Variants in GPR153 observed in about 807,000 individuals in gnomAD.
The protein encoded by GPR153 is probable G protein-coupled receptor 153.
Under a neutral mutation model 34.1 loss-of-function variants are expected in GPR153, and 27 were observed. The observed-to-expected ratio is 0.79, with a 90% confidence interval of 0.58 to 1.09. GPR153 has a LOEUF of 1.09. Among genes scored for constraint, GPR153 ranks in the 50% least tolerant of loss-of-function variants. The pLI is 0.00. For missense variants in GPR153, 848 were observed against 860.2 expected, an observed-to-expected ratio of 0.99 and a Z score of 0.18; for synonymous variants, 408 against 405.4, an observed-to-expected ratio of 1.01 and a Z score of -0.08.
chr1:6,257,548 G>T (rs983693596), intron 1 of GPR153, among the ~76,000 whole-genome samples: 10 of 152,244 alleles, frequency 6.6e-5, no homozygotes, highest in African/African-American at 2.4e-4. Flanking sequence ...GTGGACAGGA[G>T]CCACATCTCT....
rs1375630703 is a variant in GPR153 at position 6,254,495 on chromosome 1, CTT to C, written c.356+53_356+54del. ...GTGCGCATGGGCACACCAGATATGT[CTT>C]TGTTTTCACGCCTGCTTAGAACCCC... is the stretch of plus-strand genomic sequence containing the variant. On this transcript the variant is annotated intron_variant, in intron 2 of 5. Transcript: ENST00000377893. The C allele has an allele frequency of 9.7e-6, 14 of 1,442,254 alleles. No homozygotes were observed. In the East Asian group the frequency reaches 3.0e-4, roughly 31 times the overall value. 89.3% of individuals were successfully genotyped at this position (1,442,254 alleles called of 1,614,324 possible). A position where few individuals can be genotyped will look rare whatever the true frequency, so the allele number is the denominator to read the frequency against.
chr1:6,254,642 G>T lies in GPR153; in HGVS notation c.264C>A (p.Ser88=). The T allele has an allele frequency of 6.2e-7, 1 of 1,613,592 alleles. No individual in the cohort carries two copies. Among genetic ancestry groups the T allele is most frequent in the African/African-American group, 1.3e-5 (1 of 75,024 alleles). The change falls in exon 2 of 6, where the codon TCC becomes TCA. Residue 88 remains serine, a synonymous_variant. Coordinates refer to ENST00000377893, the MANE Select transcript of GPR153 (RefSeq NM_207370.4). ...TGGCCAGGGTGAGGGTGTAGAAGGT[G>T]GACACGAAGACCTTGCAGAGACCCT... is the stretch of plus-strand genomic sequence containing the variant. The part of the protein sequence containing the change: ...WNEGLCKVFV[S]TFYTLTLATC...
Position 6,249,979 on chromosome 1 carries a change from G to A in GPR153, c.1189C>T (p.His397Tyr). ...LQVPPTRRFS[H>Y]DDADVWAAVP... ...GCGGCCCACACGTCCGCATCGTCGT[G>A]GGAGAAGCGCCGCGTGGGCGGGACC... The change falls in exon 6 of 6, where the codon CAC becomes TAC. Residue 397 changes from histidine to tyrosine, a missense_variant. His to Tyr is a moderately conservative substitution (Grantham distance 83). Transcript: ENST00000377893. The surrounding 1 kb of genome is among the most constrained non-coding windows in gnomAD (Gnocchi z 4.3). 8 of 1,273,894 alleles carry A rather than the reference G, an allele frequency of 6.3e-6. No homozygotes were observed. The highest frequency in any genetic ancestry group is 8.0e-6 in the Non-Finnish European group (8 of 1,004,126). The allele number at this position is 1,273,894 out of a possible 1,614,324, so 78.9% of individuals were successfully genotyped here. A position where few individuals can be genotyped will look rare whatever the true frequency, so the allele number is the denominator to read the frequency against.
intron 3 of GPR153, among the ~76,000 whole-genome samples, chr1:6,253,129 C>T (rs927759089): frequency 3.9e-5 from 6 of 152,178 alleles, no homozygotes; most frequent in African/African-American, 1.2e-4. Context: ...CAGTGGTTCA[C>T]GCTTGTAATC....
chr1:6,250,150 C>A (rs999979530), intron 5 of GPR153, 147 bp from the exon 6 acceptor site: 1 of 1,362,204 alleles, frequency 7.3e-7, no homozygotes. Context: ...AGGTTTGGTG[C>A]AGTCTCTTCG....
Position 6,254,046 on chromosome 1 carries a change from C to T in GPR153, c.458G>A (p.Ser153Asn), listed in dbSNP as rs1183567968. ...GCAGCCATGGGTGTAGAAGCGCTCG[C>T]TGGTGTCGTGCCAGCCAACGGCAGG... ...ALPAVGWHDT[S>N]ERFYTHGCRF... The change falls in exon 3 of 6, where the codon AGC (serine) becomes AAC (asparagine). Residue 153 changes from serine (S) to asparagine (N), a missense_variant. Coordinates refer to ENST00000377893, the MANE Select transcript of GPR153 (RefSeq NM_207370.4). The T allele has an allele frequency of 6.2e-7, 1 of 1,613,494 alleles. No individual in the cohort carries two copies. Among genetic ancestry groups the T allele is most frequent in the Non-Finnish European group, 8.5e-7 (1 of 1,180,004 alleles).
In GPR153 at chr1:6,249,483, CGCAGAGAGCCGGCGT is replaced by C. The variant is rs1193065493; in HGVS notation, c.1670_1684del (p.His557_Leu561del). On this transcript the variant is annotated inframe_deletion, in exon 6 of 6. Transcript: ENST00000377893. The surrounding 1 kb of genome is among the most constrained non-coding windows in gnomAD (Gnocchi z 4.3). ...GCCCCACGACGCGCTCAGGCCGGGG[CGCAGAGAGCCGGCGT>C]GCGAGTGCGCAGAGGGGCGTGGCCC... 7.7e-7 allele frequency: 1 copy of C among 1,291,220 alleles called. No individual in the cohort carries two copies. Among genetic ancestry groups the C allele is most frequent in the Non-Finnish European group, 9.8e-7 (1 of 1,025,580 alleles). The allele number at this position is 1,291,220 out of a possible 1,614,324, so 80.0% of individuals were successfully genotyped here. A position where few individuals can be genotyped will look rare whatever the true frequency, so the allele number is the denominator to read the frequency against.
Position 6,250,430 on chromosome 1 carries a change from C to T in GPR153, c.1164+10G>A. The T allele has an allele frequency of 6.4e-7, 1 of 1,570,660 alleles. No homozygotes were observed. The highest frequency in any genetic ancestry group is 8.6e-7 in the Non-Finnish European group (1 of 1,157,852). ...CGCAGGTGCGGCCTCTCCCCCAGCC[C>T]TGCGCTCACCTGCAGGTATTGCATC... On this transcript the variant is annotated intron_variant, in intron 5 of 5. Transcript: ENST00000377893.
intron 5 of GPR153, 28 bp from the exon 6 acceptor site, chr1:6,250,031 C>G: frequency 3.2e-6 from 4 of 1,256,130 alleles, no homozygotes; most frequent in Non-Finnish European, 4.0e-6. Context: ...GCTTTTACCC[C>G]GAGCTGCCCT....
In GPR153 at chr1:6,249,297, G is replaced by C. The variant is rs772665154; in HGVS notation, c.*41C>G. On this transcript the variant is annotated 3_prime_UTR_variant, in exon 6 of 6. Transcript: ENST00000377893. The surrounding 1 kb of genome is among the most constrained non-coding windows in gnomAD (Gnocchi z 4.3). ...CTTTGGTGCTGCGGCCCCGGAGAGC[G>C]GCCTGGCCTGCCTGGCGTCCGTGGG... 8 of 1,232,282 alleles carry C rather than the reference G, an allele frequency of 6.5e-6. No individual in the cohort carries two copies. The highest frequency in any genetic ancestry group is 4.7e-5 in the African/African-American group (3 of 63,980). The allele number at this position is 1,232,282 out of a possible 1,614,324, so 76.3% of individuals were successfully genotyped here.
intron 1 of GPR153, among the ~76,000 whole-genome samples, chr1:6,257,205 G>GC (rs1302097612): frequency 1.1e-4 from 16 of 152,150 alleles, no homozygotes; most frequent in Non-Finnish European, 2.9e-5. Flanking sequence ...CCATGCCAGA[G>GC]CCCCCCACAG....
At chr1:6,250,351 G>A (rs1638414054) in intron 5 of GPR153, 89 bp downstream of exon 5, 2 of 1,469,052 alleles carry the variant, frequency 1.4e-6, no homozygotes, top group Non-Finnish European at 1.8e-6. Context: ...TGCAGAAGGC[G>A]TGAGATGGGC....
rs1208962345 is a variant in GPR153 at position 6,254,556 on chromosome 1, T to G, written c.350A>C (p.Asn117Thr). ...CAGAACTTCACATGCTCACCGGTAGTTGACAGGCCAGCAGACCATCCACAT... is the reference window on the plus strand; with the variant it reads ...CAGAACTTCACATGCTCACCGGTAGGTGACAGGCCAGCAGACCATCCACAT... ...HRMWMVCWPV[N>T]YRLSNAKKQA... Residue 117 changes from asparagine to threonine, a missense_variant, in exon 2 of 6, where the codon AAC (asparagine) becomes ACC (threonine). Physicochemically the swap from Asn to Thr is moderately conservative, Grantham distance 65. Transcript: ENST00000377893. 1 of 1,564,782 alleles carries G rather than the reference T, an allele frequency of 6.4e-7. No individual in the cohort carries two copies. Among genetic ancestry groups the G allele is most frequent in the East Asian group, 2.2e-5 (1 of 44,488 alleles).
In GPR153 at chr1:6,254,012, G is replaced by A. The variant is rs756735393; in HGVS notation, c.492C>T (p.Ile164=). 7 of 1,613,388 alleles carry A rather than the reference G, an allele frequency of 4.3e-6. No homozygotes were observed. The highest frequency in any genetic ancestry group is 1.7e-5 in the Admixed American group (1 of 60,012). The change falls in exon 3 of 6, where the codon ATC becomes ATT. Residue 164 remains isoleucine (I), a synonymous_variant. Transcript: ENST00000377893. The part of the protein sequence containing the change: ...ERFYTHGCRF[I]VAEIGLGFGV... Reference sequence around the variant, plus strand: ...CAAAGCCCAGGCCGATCTCAGCCACGATGAAGCGGCAGCCATGGGTGTAGA... The same window carrying A: ...CAAAGCCCAGGCCGATCTCAGCCACAATGAAGCGGCAGCCATGGGTGTAGA...
intron 1 of GPR153, among the ~76,000 whole-genome samples, chr1:6,255,260 G>A (rs1207231473): frequency 2.7e-5 from 4 of 149,950 alleles, no homozygotes; most frequent in South Asian, 2.1e-4. Context: ...GTGCAGTGGC[G>A]CAATCTCAGC....
chr1:6,260,268 C>T (rs1329482489), intron 1 of GPR153, among the ~76,000 whole-genome samples: 3 of 152,004 alleles, frequency 2.0e-5, no homozygotes, highest in Non-Finnish European at 4.4e-5. Flanking sequence ...TTCCACGGGG[C>T]CCGGCCTGGC....
intron 3 of GPR153, among the ~76,000 whole-genome samples, chr1:6,253,237 CA>C (rs906835821): frequency 6.0e-5 from 9 of 148,810 alleles, no homozygotes; most frequent in South Asian, 2.1e-4. Context: ...ACTAAAAATA[CA>C]AAAAAAAAAT....
Position 6,249,407 on chromosome 1 carries a change from G to T in GPR153, c.1761C>A (p.Phe587Leu). ...AAGGGGSTSS[F>L]LSSPSESSGY... is the part of the protein sequence containing the mutation. ...CCGAGGACTCGGAGGGGGAACTCAG[G>T]AAGCTGCTGGTGCTGCCGCCGCCGC... Residue 587 changes from phenylalanine to leucine, a missense_variant, in exon 6 of 6, where the codon TTC becomes TTA. By Grantham distance (22) the Phe-to-Leu change is conservative. Coordinates refer to ENST00000377893, the MANE Select transcript of GPR153 (RefSeq NM_207370.4). The surrounding 1 kb of genome is among the most constrained non-coding windows in gnomAD (Gnocchi z 4.3). 7.2e-7 allele frequency: 1 copy of T among 1,379,642 alleles called. No individual in the cohort carries two copies. The allele number at this position is 1,379,642 out of a possible 1,614,324, so 85.5% of individuals were successfully genotyped here. A position where few individuals can be genotyped will look rare whatever the true frequency, so the allele number is the denominator to read the frequency against.
At chr1:6,254,418 C>G in intron 2 of GPR153, 132 bp downstream of exon 2, 1 of 884,232 alleles carries the variant, frequency 1.1e-6, no homozygotes, top group Non-Finnish European at 1.8e-6. Context: ...TACAGCAGCC[C>G]CTCCTGAGCC....
Sources: allele counts gnomAD v4.1 joint callset (sites outside exome capture counted in the v4.1 genomes callset), GRCh38; gene constraint gnomAD v4.1.1; non-coding constraint Gnocchi (gnomAD v3.1); transcripts MANE v1.5; gene names NCBI Gene and HGNC (gene_info 2026-07-23, HGNC 2026-07-21).